ZNF599: variants seen among roughly 807,000 people sequenced by gnomAD.
The protein encoded by ZNF599 is zinc finger protein 599.
Under a neutral mutation model 11.7 loss-of-function variants are expected in ZNF599, and 10 were observed. That is an observed-to-expected ratio of 0.86 (90% confidence interval 0.53 to 1.45). ZNF599 has a LOEUF of 1.45. Ranked by LOEUF, ZNF599 falls within the 40% of genes most tolerant of loss-of-function variation. The pLI is 0.00. For missense variants in ZNF599, 688 were observed against 713.6 expected (o/e 0.96, Z 0.41); for synonymous variants, 232 against 253.2 (o/e 0.92, Z 0.79).
intron 3 of ZNF599, chr19:34,767,016 C>A (rs1441883047): frequency 3.4e-5 from 10 of 295,542 alleles, no homozygotes; most frequent in African/African-American, 1.7e-4. Flanking sequence ...CAGAGAAGGT[C>A]ATTAACTCAG....
intron 1 of ZNF599, 21 bp downstream of exon 1, chr19:34,772,803 G>C: frequency 3.9e-6 from 6 of 1,533,790 alleles, no homozygotes; most frequent in Non-Finnish European, 4.4e-6. Context: ...GCTCGCGCGG[G>C]CTGCGGAACC....
At chr19:34,777,249 A>AAT (rs1315017402), upstream of ZNF599, among the ~76,000 whole-genome samples, 2 of 128,574 alleles carry the variant, frequency 1.6e-5, no homozygotes, top group Non-Finnish European at 3.2e-5. Context: ...ATATATTTAA[A>AAT]ATATATATTA....
At position 34,760,094 on chromosome 19, in the gene ZNF599, C is replaced by T. The variant is rs1483974504; in HGVS notation, c.707G>A (p.Cys236Tyr). ...PYECNECGKA[C>Y]RYMADVIRHM... ...TCGAATGACATCAGCCATATAACGA[C>T]AGGCTTTCCCACACTCATTGCACTC... The change falls in exon 4 of 4, where the codon TGT (cysteine) becomes TAT (tyrosine). Residue 236 changes from cysteine to tyrosine, a missense_variant. Cys to Tyr is a radical substitution (Grantham distance 194). Coordinates refer to ENST00000329285, the MANE Select transcript of ZNF599 (RefSeq NM_001007248.3). 4 of 1,613,856 alleles carry T rather than the reference C, an allele frequency of 2.5e-6. No individual in the cohort carries two copies. The African/African-American group carries it at 4.0e-5, about 16-fold the overall frequency.
At position 34,758,773 on chromosome 19, in the gene ZNF599, T is replaced by C. The variant is rs2069087509; in HGVS notation, c.*261A>G. On this transcript the variant is annotated 3_prime_UTR_variant, in exon 4 of 4. Coordinates refer to ENST00000329285, the MANE Select transcript of ZNF599 (RefSeq NM_001007248.3). ...AAATGCATGTTAACCACCAGGTCTC[T>C]CCCCTCGATTATTCTCAGGTACAGT... The C allele has an allele frequency of 1.7e-5, 6 of 350,390 alleles. No individual in the cohort carries two copies. The South Asian group carries it at 5.5e-4, about 32-fold the overall frequency. The allele number at this position is 350,390 out of a possible 1,614,324, so 21.7% of individuals were successfully genotyped here. A position where few individuals can be genotyped will look rare whatever the true frequency, so the allele number is the denominator to read the frequency against.
the ZNF599 span, among the ~76,000 whole-genome samples, chr19:34,792,944 T>C: frequency 2.6e-5 from 4 of 151,878 alleles, no homozygotes; most frequent in Non-Finnish European, 5.9e-5. Flanking sequence ...CAAAAAGCCA[T>C]GCATGCCATG....
At chr19:34,791,197 G>A in the ZNF599 span, among the ~76,000 whole-genome samples, 1 of 152,158 alleles carries the variant, frequency 6.6e-6, no homozygotes, top group Non-Finnish European at 1.5e-5. Flanking sequence ...ACCACCTCCT[G>A]GCTCTGAGAA....
chr19:34,760,587 TG>T, intron 3 of ZNF599, 28 bp from the exon 4 acceptor site: 1 of 1,545,802 alleles, frequency 6.5e-7, no homozygotes. Flanking sequence ...TAAAAAAAAC[TG>T]AACATTAGTG....
At chr19:34,772,782 C>A (rs2069192252) in intron 1 of ZNF599, 42 bp downstream of exon 1, 1 of 1,535,102 alleles carries the variant, frequency 6.5e-7, no homozygotes. Context: ...TGCATGCGGG[C>A]GGTGACCCGA....
In ZNF599 at chr19:34,758,506, CTT is replaced by C. The variant is rs1218842766; in HGVS notation, c.*526_*527del. 1 of 152,380 alleles carries C rather than the reference CTT, an allele frequency of 6.6e-6. No individual in the cohort carries two copies. The highest frequency in any genetic ancestry group is 2.4e-5 in the African/African-American group (1 of 41,416). 9.4% of individuals were successfully genotyped at this position (152,380 alleles called of 1,614,324 possible). On this transcript the variant is annotated 3_prime_UTR_variant, in exon 4 of 4. Coordinates refer to ENST00000329285, the MANE Select transcript of ZNF599 (RefSeq NM_001007248.3). Reference sequence around the variant, plus strand: ...ATGGTCCAACTCTCCTGGCTCTGGACTTAGAGATATATATATGTAAAACACAC... The same window carrying C: ...ATGGTCCAACTCTCCTGGCTCTGGACAGAGATATATATATGTAAAACACAC...
the ZNF599 span, among the ~76,000 whole-genome samples, chr19:34,801,000 A>T: frequency 1.3e-5 from 2 of 152,196 alleles, no homozygotes; most frequent in Non-Finnish European, 2.9e-5. Context: ...CTGTATATTC[A>T]TCAGTTATTT....
At chr19:34,779,733 C>T in the ZNF599 span, 3 of 281,674 alleles carry the variant, frequency 1.1e-5, no homozygotes, top group African/African-American at 4.6e-5. Context: ...TTAGTGTGAA[C>T]TCGATGCATA....
the ZNF599 span, among the ~76,000 whole-genome samples, chr19:34,796,431 C>A: frequency 6.6e-6 from 1 of 151,930 alleles, no homozygotes; most frequent in Admixed American, 6.6e-5. Context: ...CTACCTCAGT[C>A]TTCCGAGAAG....
chr19:34,776,798 G>A (rs567778296), upstream of ZNF599, among the ~76,000 whole-genome samples: 27 of 152,286 alleles, frequency 1.8e-4, no homozygotes, highest in African/African-American at 6.0e-4. Context: ...CTACCCCATC[G>A]GCAGAGAGTA....
rs1600160857 is a variant in ZNF599, at chr19:34,772,878, G to A, written c.-37C>T. 5 of 1,432,654 alleles carry A rather than the reference G, an allele frequency of 3.5e-6. No homozygotes were observed. The highest frequency in any genetic ancestry group is 1.5e-5 in the African/African-American group (1 of 66,766). 88.7% of individuals were successfully genotyped at this position (1,432,654 alleles called of 1,614,324 possible). A position where few individuals can be genotyped will look rare whatever the true frequency, so the allele number is the denominator to read the frequency against. ...GCTGGGTGAGGCCGTGAGAGTCGGC[G>A]AGGAAGCCGGTCCTGCGGGCTCGGC... is the stretch of plus-strand genomic sequence containing the variant. On this transcript the variant is annotated 5_prime_UTR_variant, in exon 1 of 4. Transcript: ENST00000329285.
rs775922478 is a variant in ZNF599 at position 34,760,408 on chromosome 19, C to G, written c.393G>C (p.Gln131His). The change falls in exon 4 of 4, where the codon CAG becomes CAC. Residue 131 changes from glutamine (Q) to histidine (H), a missense_variant. Gln to His is a conservative substitution (Grantham distance 24). Coordinates refer to ENST00000329285, the MANE Select transcript of ZNF599 (RefSeq NM_001007248.3). ...ARDEEKLIKIQEGNLRPGTNP... is the reference protein window; with the variant it reads ...ARDEEKLIKIHEGNLRPGTNP... ...TTGTTCCTGGCCTCAAGTTCCCTTC[C>G]TGAATTTTTATTAGCTTTTCCTCAT... The G allele has an allele frequency of 6.2e-7, 1 of 1,614,120 alleles. No individual in the cohort carries two copies. The highest frequency in any genetic ancestry group is 8.5e-7 in the Non-Finnish European group (1 of 1,180,020).
chr19:34,768,400 C>T (rs1218973615), intron 2 of ZNF599, among the ~76,000 whole-genome samples: 3 of 152,204 alleles, frequency 2.0e-5, no homozygotes, highest in Non-Finnish European at 4.4e-5. Context: ...ACTCATCCCT[C>T]GTGAGGACGC....
chr19:34,760,559 C>T lies in ZNF599; in HGVS notation c.242G>A (p.Gly81Asp). ...KRGLSQSTCA[G>D]EKAKPKITEP... is the part of the protein sequence containing the mutation. Reference sequence around the variant, plus strand: ...TGTAATCTTGGGTTTTGCTTTTTCACCTGAAGGAAATCCAATATAAAAAAA... The same window carrying T: ...TGTAATCTTGGGTTTTGCTTTTTCATCTGAAGGAAATCCAATATAAAAAAA... Residue 81 changes from glycine to aspartate, a missense_variant and splice_region_variant, in exon 4 of 4, where the codon GGT (glycine) becomes GAT (aspartate). Gly to Asp is a moderately conservative substitution (Grantham distance 94). Transcript: ENST00000329285. The T allele has an allele frequency of 6.3e-7, 1 of 1,587,332 alleles. No homozygotes were observed. Among genetic ancestry groups the T allele is most frequent in the Non-Finnish European group, 8.5e-7 (1 of 1,170,462 alleles).
At chr19:34,772,712 C>A (rs1181227634) in intron 1 of ZNF599, 112 bp downstream of exon 1, 8 of 1,520,904 alleles carry the variant, frequency 5.3e-6, no homozygotes, top group Non-Finnish European at 8.8e-7. Flanking sequence ...TCTCCATAAC[C>A]TAGGGCATCA....
At chr19:34,781,271 G>A in the ZNF599 span, among the ~76,000 whole-genome samples, 1 of 151,884 alleles carries the variant, frequency 6.6e-6, no homozygotes, top group Non-Finnish European at 1.5e-5. Context: ...AAGAAAGAGA[G>A]AAGAAAGAAC....
Sources: gnomAD v4.1 joint callset for allele counts (sites outside exome capture counted in the v4.1 genomes callset) on GRCh38, gnomAD v4.1.1 for gene constraint, MANE v1.5 for transcripts, NCBI Gene and HGNC (gene_info 2026-07-23, HGNC 2026-07-21) for gene names.